The following CA10 variants were observed in gnomAD, a reference collection of about 807,000 sequenced individuals.
CA10 encodes carbonic anhydrase-related protein 10.
CA10 carries 14 observed loss-of-function variants against 44.2 expected under a neutral mutation model. That is an observed-to-expected ratio of 0.32 (90% CI 0.21 to 0.50). CA10 has a LOEUF of 0.50. Among genes scored for constraint, CA10 ranks in the 20% least tolerant of loss-of-function variants. The pLI, the probability that CA10 is intolerant of heterozygous loss-of-function variation, is 0.99. For missense variants in CA10, 350 were observed against 409.7 expected, an observed-to-expected ratio of 0.85 and a Z score of 1.26; for synonymous variants, 159 against 141.6, an observed-to-expected ratio of 1.12 and a Z score of -0.87.
chr17:52,143,151 G>A (rs1186471908), intron 1 of CA10, among the ~76,000 whole-genome samples: 1 of 151,976 alleles, frequency 6.6e-6, no homozygotes, highest in East Asian at 1.9e-4. Flanking sequence ...TACAATCCCA[G>A]TGCACTGCTT....
intron 2 of CA10, among the ~76,000 whole-genome samples, chr17:51,969,977 T>C (rs1313995681): frequency 6.6e-6 from 1 of 152,054 alleles, no homozygotes; most frequent in Non-Finnish European, 1.5e-5. Flanking sequence ...CCAAGGCGTA[T>C]GGAGTTACTG....
At chr17:51,870,664 A>T (rs1374876231) in intron 3 of CA10, among the ~76,000 whole-genome samples, 1 of 152,244 alleles carries the variant, frequency 6.6e-6, no homozygotes, top group Non-Finnish European at 1.5e-5. Flanking sequence ...AAACAAAGTG[A>T]TTAAGGTGTT....
intron 6 of CA10, among the ~76,000 whole-genome samples, chr17:51,645,848 G>A (rs940530393): frequency 6.6e-6 from 1 of 152,180 alleles, no homozygotes; most frequent in African/African-American, 2.4e-5. Flanking sequence ...CATCTCCTTG[G>A]CAGGATTTTC....
intron 3 of CA10, among the ~76,000 whole-genome samples, chr17:51,817,180 T>A (rs868046759): frequency 3.8e-4 from 57 of 151,782 alleles, no homozygotes; most frequent in African/African-American, 1.3e-3. Context: ...AGATGAAGGG[T>A]TTTTTATGGA....
chr17:52,006,013 A>T (rs370873892), intron 2 of CA10, among the ~76,000 whole-genome samples: 1 of 151,996 alleles, frequency 6.6e-6, no homozygotes. Flanking sequence ...CTTAGGGGTG[A>T]TGCCATATTG....
chr17:51,838,492 T>C (rs904438469), intron 3 of CA10, among the ~76,000 whole-genome samples: 9 of 152,252 alleles, frequency 5.9e-5, no homozygotes, highest in African/African-American at 2.2e-4. Flanking sequence ...ATGAAGTGGC[T>C]TGTGCACTAA....
chr17:51,849,217 ATACATATATGTGTGTG>A (rs56088640), intron 3 of CA10, among the ~76,000 whole-genome samples: 2,383 of 50,496 alleles, frequency 0.047, 51 homozygotes, highest in Non-Finnish European at 0.058. Context: ...ATATATATAT[ATACATATATGTGTGTG>A]TATATATATA....
chr17:51,812,169 T>C (rs1014127487), intron 3 of CA10, among the ~76,000 whole-genome samples: 1 of 152,188 alleles, frequency 6.6e-6, no homozygotes, highest in Admixed American at 6.5e-5. Context: ...ATTGCCAAAT[T>C]TTTAGGAATT....
At chr17:52,024,729 A>C (rs1289339271) in intron 2 of CA10, among the ~76,000 whole-genome samples, 1 of 152,094 alleles carries the variant, frequency 6.6e-6, no homozygotes, top group Non-Finnish European at 1.5e-5. Flanking sequence ...TCTTAAAATG[A>C]TAATCATGAA....
chr17:51,831,067 T>G (rs1908222625), intron 3 of CA10, among the ~76,000 whole-genome samples: 1 of 152,210 alleles, frequency 6.6e-6, no homozygotes, highest in African/African-American at 2.4e-5. Flanking sequence ...GCACTCACTA[T>G]TCTGAGATTC....
intron 2 of CA10, among the ~76,000 whole-genome samples, chr17:52,023,304 T>C (rs1208091757): frequency 6.6e-6 from 1 of 151,718 alleles, no homozygotes; most frequent in South Asian, 2.1e-4. Context: ...AATAAACCCA[T>C]ATCCCTACAA....
At chr17:51,814,462 C>T (rs2143746403) in intron 3 of CA10, among the ~76,000 whole-genome samples, 1 of 152,224 alleles carries the variant, frequency 6.6e-6, no homozygotes, top group African/African-American at 2.4e-5. Flanking sequence ...GTGGGAAATG[C>T]TATGTTGCCT....
At chr17:51,849,176 CATATATGTATAT>C (rs1978642894) in intron 3 of CA10, among the ~76,000 whole-genome samples, 2 of 78,068 alleles carry the variant, frequency 2.6e-5, no homozygotes, top group African/African-American at 9.9e-5. Flanking sequence ...TATATATATA[CATATATGTATAT>C]ATATATATAC....
chr17:51,717,731 A>ATGTG (rs1916184809), intron 4 of CA10, among the ~76,000 whole-genome samples: 1 of 31,572 alleles, frequency 3.2e-5, no homozygotes, highest in Non-Finnish European at 7.5e-5. Context: ...ATATATACAT[A>ATGTG]TATACGTATA....
At chr17:51,969,902 G>A (rs2144067076) in intron 2 of CA10, among the ~76,000 whole-genome samples, 1 of 152,054 alleles carries the variant, frequency 6.6e-6, no homozygotes, top group South Asian at 2.1e-4. Flanking sequence ...CCCCTTAAAT[G>A]CTCTTTGCTT....
chr17:51,966,513 T>C (rs1232085297), intron 2 of CA10, among the ~76,000 whole-genome samples: 1 of 151,812 alleles, frequency 6.6e-6, no homozygotes, highest in Non-Finnish European at 1.5e-5. Flanking sequence ...AACAGACATA[T>C]TGATCAATAG....
intron 4 of CA10, among the ~76,000 whole-genome samples, chr17:51,746,636 CTCTGTGGTAGGA>C (rs1904698011): frequency 6.6e-6 from 1 of 152,190 alleles, no homozygotes; most frequent in Non-Finnish European, 1.5e-5. Flanking sequence ...CTTTGAGCTC[CTCTGTGGTAGGA>C]GCCCTTTTTT....
At chr17:51,857,437 C>A (rs1160500934) in intron 3 of CA10, among the ~76,000 whole-genome samples, 1 of 152,160 alleles carries the variant, frequency 6.6e-6, no homozygotes, top group Non-Finnish European at 1.5e-5. Flanking sequence ...TGTATTTTAA[C>A]AGGAAAAGCC....
chr17:52,113,427 T>C (rs967280293), intron 1 of CA10, among the ~76,000 whole-genome samples: 1 of 152,164 alleles, frequency 6.6e-6, no homozygotes. Context: ...CTGATACCCA[T>C]ATGCATAAGG....
Sources: allele counts gnomAD v4.1 joint callset (sites outside exome capture counted in the v4.1 genomes callset), GRCh38; gene constraint gnomAD v4.1.1; transcripts MANE v1.5; gene names NCBI Gene and HGNC (gene_info 2026-07-23, HGNC 2026-07-21).